The following TIAM2 variants were observed in gnomAD, a reference collection of about 807,000 sequenced individuals.
The protein encoded by TIAM2 is TIAM Rac1 associated GEF 2, also known as rho guanine nucleotide exchange factor TIAM2.
TIAM2 carries 80 observed loss-of-function variants against 152.9 expected under a neutral mutation model. That is an observed-to-expected ratio of 0.52 (90% CI 0.44 to 0.63). The LOEUF (loss-of-function observed/expected upper bound fraction) is 0.63. Ranked by LOEUF, TIAM2 falls within the 30% of genes least tolerant of loss-of-function variation. The pLI is 0.00. For synonymous variants in TIAM2, 804 were observed against 838.0 expected, an observed-to-expected ratio of 0.96 and a Z score of 0.70; for missense variants, 1,965 against 2,120.1, an observed-to-expected ratio of 0.93 and a Z score of 1.44.
intron 15 of TIAM2, among the ~76,000 whole-genome samples, chr6:155,228,643 G>A (rs1782329084): frequency 6.6e-6 from 1 of 152,188 alleles, no homozygotes; most frequent in African/African-American, 2.4e-5. Context: ...AGAATTTTAT[G>A]TGAAAGAGGT....
chr6:155,054,354 A>G (rs1777391581), intron 1 of TIAM2, among the ~76,000 whole-genome samples: 1 of 152,168 alleles, frequency 6.6e-6, no homozygotes, highest in African/African-American at 2.4e-5. Context: ...ATGGCGTCCA[A>G]TGAAGCCTCT....
intron 19 of TIAM2, among the ~76,000 whole-genome samples, chr6:155,247,770 C>T (rs1403374576): frequency 6.6e-6 from 1 of 152,234 alleles, no homozygotes; most frequent in African/African-American, 2.4e-5. Flanking sequence ...GGGGCGCAGC[C>T]TGCATTCCAT....
chr6:155,047,045 G>A (rs1467915183), intron 1 of TIAM2, among the ~76,000 whole-genome samples: 1 of 152,176 alleles, frequency 6.6e-6, no homozygotes, highest in African/African-American at 2.4e-5. Flanking sequence ...TTGGTCTGGG[G>A]CCAGGACAGA....
intron 1 of TIAM2, among the ~76,000 whole-genome samples, chr6:155,075,777 A>G (rs528411805): frequency 6.6e-6 from 1 of 152,344 alleles, no homozygotes; most frequent in South Asian, 2.1e-4. Context: ...GTTAAGGTAC[A>G]TTGAACTGCT....
At chr6:155,106,697 G>A (rs1583193226) in intron 2 of TIAM2, among the ~76,000 whole-genome samples, 1 of 152,340 alleles carries the variant, frequency 6.6e-6, no homozygotes, top group East Asian at 1.9e-4. Flanking sequence ...TAAAAAAGAA[G>A]CTGAGGCTCC....
chr6:155,016,494 AAAT>A (rs1778586159), intron 1 of TIAM2: 1 of 87,192 alleles, frequency 1.1e-5, no homozygotes, highest in Non-Finnish European at 2.3e-5. Context: ...ATTTAAATGT[AAAT>A]GGTATTTACA....
Position 155,129,645 on chromosome 6 carries a change from A to C in TIAM2, c.422A>C (p.Tyr141Ser), listed in dbSNP as rs148543891. The change falls in exon 4 of 27, where the codon TAC becomes TCC. Residue 141 changes from tyrosine to serine, a missense_variant. Physicochemically the swap from Tyr to Ser is moderately radical, Grantham distance 144. This residue lies in a region of TIAM2 where 1,025 missense variants were observed against 1,119.4 expected (regional missense o/e 0.92). Coordinates refer to ENST00000682666, the MANE Select transcript of TIAM2 (RefSeq NM_012454.4). The surrounding 1 kb of genome is among the most constrained non-coding windows in gnomAD (Gnocchi z 4.8). ...RDCNGHLLNCYGRNESIASTP... is the reference protein window; with the variant it reads ...RDCNGHLLNCSGRNESIASTP... ...TGCAACGGACACCTTCTCAACTGCTACGGGAGGAATGAGAGCATTGCCTCC... is the reference window on the plus strand; with the variant it reads ...TGCAACGGACACCTTCTCAACTGCTCCGGGAGGAATGAGAGCATTGCCTCC... The C allele has an allele frequency of 1.9e-6, 3 of 1,614,044 alleles. No homozygotes were observed. The highest frequency in any genetic ancestry group is 2.7e-5 in the African/African-American group (2 of 74,932).
chr6:155,057,641 G>T (rs569447192), intron 1 of TIAM2, among the ~76,000 whole-genome samples: 2 of 144,776 alleles, frequency 1.4e-5, no homozygotes, highest in Non-Finnish European at 3.0e-5. Flanking sequence ...TGCTTCCCAG[G>T]TTCAAGTGAT....
intron 1 of TIAM2, among the ~76,000 whole-genome samples, chr6:155,010,185 C>A (rs969617566): frequency 6.6e-6 from 1 of 152,160 alleles, no homozygotes; most frequent in Non-Finnish European, 1.5e-5. Flanking sequence ...TGGAAAGAAT[C>A]TAAGCGGAAG....
At chr6:155,115,938 C>G (rs1778999811) in intron 2 of TIAM2, among the ~76,000 whole-genome samples, 2 of 152,160 alleles carry the variant, frequency 1.3e-5, no homozygotes, top group African/African-American at 4.8e-5. Flanking sequence ...ATGGTGAAAC[C>G]CTATCTCTAC....
intron 7 of TIAM2, among the ~76,000 whole-genome samples, chr6:155,152,541 G>A (rs907977934): frequency 6.6e-6 from 1 of 152,222 alleles, no homozygotes; most frequent in African/African-American, 2.4e-5. Context: ...GGTTATCCCA[G>A]AGTTTTCTTT....
intron 14 of TIAM2, among the ~76,000 whole-genome samples, chr6:155,187,611 C>CTTTTTTTTTTTTTTTT (rs1781079830): frequency 1.3e-5 from 1 of 79,678 alleles, no homozygotes; most frequent in African/African-American, 4.8e-5. Context: ...TGAAGTTTTG[C>CTTTTTTTTTTTTTTTT]TCTTGTTGCC....
intron 1 of TIAM2, among the ~76,000 whole-genome samples, chr6:155,029,069 C>A (rs145213730): frequency 1.3e-5 from 1 of 75,658 alleles, no homozygotes; most frequent in Non-Finnish European, 2.6e-5. Flanking sequence ...ACTGTATATA[C>A]TATATATACT....
intron 7 of TIAM2, among the ~76,000 whole-genome samples, chr6:155,154,417 T>A (rs959562811): frequency 1.3e-5 from 2 of 152,150 alleles, no homozygotes; most frequent in African/African-American, 4.8e-5. Flanking sequence ...AGTGGTGACA[T>A]GCTCTGGCCG....
intron 1 of TIAM2, among the ~76,000 whole-genome samples, chr6:155,069,294 A>T (rs1033651370): frequency 7.9e-5 from 12 of 151,996 alleles, no homozygotes; most frequent in Non-Finnish European, 1.5e-4. Flanking sequence ...AGGTTTTGCC[A>T]TGTTTCCCAG....
chr6:155,168,510 C>T (rs1780498445), intron 9 of TIAM2, among the ~76,000 whole-genome samples: 1 of 152,080 alleles, frequency 6.6e-6, no homozygotes. Flanking sequence ...GCGGGTGCCA[C>T]CACATCTGGC....
intron 1 of TIAM2, among the ~76,000 whole-genome samples, chr6:155,021,327 T>C (rs1379035862): frequency 6.6e-6 from 1 of 152,168 alleles, no homozygotes; most frequent in African/African-American, 2.4e-5. Flanking sequence ...AATGGTACGA[T>C]CTCGGCTCAC....
At position 155,257,653 on chromosome 6, in the gene TIAM2, T is replaced by C. The variant is rs1784155663; in HGVS notation, c.*532T>C. The C allele has an allele frequency of 6.2e-6, 4 of 645,584 alleles. No homozygotes were observed. The highest frequency in any genetic ancestry group is 1.1e-5 in the Non-Finnish European group (4 of 379,328). 40.0% of individuals were successfully genotyped at this position (645,584 alleles called of 1,614,324 possible). On this transcript the variant is annotated 3_prime_UTR_variant, in exon 27 of 27. Coordinates refer to ENST00000682666, the MANE Select transcript of TIAM2 (RefSeq NM_012454.4). ...TATACAGTATATATTAAAAGAAAGC[T>C]TGTACTGTATCTTATTTGATGATAT...
chr6:155,075,523 A>G (rs544336053), intron 1 of TIAM2, among the ~76,000 whole-genome samples: 1 of 152,334 alleles, frequency 6.6e-6, no homozygotes, highest in Admixed American at 6.5e-5. Flanking sequence ...GACAAAAAGA[A>G]TTAGTGTGTA....
Sources: gnomAD v4.1 joint callset for allele counts (sites outside exome capture counted in the v4.1 genomes callset) on GRCh38, gnomAD v4.1.1 for gene constraint, gnomAD v4.1.1 regional missense constraint, Gnocchi (gnomAD v3.1) non-coding constraint, MANE v1.5 for transcripts, NCBI Gene and HGNC (gene_info 2026-07-23, HGNC 2026-07-21) for gene names.